The following DCDC2 variants were observed in gnomAD, a reference collection of about 807,000 sequenced individuals.
DCDC2 encodes doublecortin domain containing 2.
Under a neutral mutation model 50.2 loss-of-function variants are expected in DCDC2, and 40 were observed. The observed-to-expected ratio is 0.80, with a 90% CI of 0.62 to 1.04. The LOEUF (loss-of-function observed/expected upper bound fraction) is 1.04. DCDC2 is among the 50% of genes least tolerant of loss of function. The pLI is 0.00. For missense variants in DCDC2, 570 were observed against 581.9 expected (o/e 0.98, Z 0.21); for synonymous variants, 234 against 210.6 (o/e 1.11, Z -0.96).
chr6:24,251,507 C>T (rs777678925), intron 7 of DCDC2, among the ~76,000 whole-genome samples: 19 of 152,148 alleles, frequency 1.2e-4, no homozygotes, highest in Non-Finnish European at 7.4e-5. Context: ...GAGAACTCTG[C>T]GGGAGCCCTT....
At chr6:24,222,202 T>C (rs1343456397) in intron 7 of DCDC2, among the ~76,000 whole-genome samples, 2 of 152,132 alleles carry the variant, frequency 1.3e-5, no homozygotes, top group African/African-American at 4.8e-5. Context: ...AGCCATTAAT[T>C]TACAAAGGGA....
At position 24,301,922 on chromosome 6, in the gene DCDC2, A is replaced by T. The variant is rs1215434148; in HGVS notation, c.425+46T>A. 3.1e-6 allele frequency: 5 copies of T among 1,611,900 alleles called. No homozygotes were observed. In the African/African-American group the frequency reaches 6.7e-5, roughly 22 times the overall value. ...AACACAAATTCCAAACCAAAAGGAAACCACCAAGCCAATTTTAACTTGAAG... is the reference window on the plus strand; with the variant it reads ...AACACAAATTCCAAACCAAAAGGAATCCACCAAGCCAATTTTAACTTGAAG... On this transcript the variant is annotated intron_variant, in intron 3 of 9. Coordinates refer to ENST00000378454, the MANE Select transcript of DCDC2 (RefSeq NM_016356.5).
At chr6:24,295,694 C>T (rs1037776603) in intron 4 of DCDC2, among the ~76,000 whole-genome samples, 9 of 152,138 alleles carry the variant, frequency 5.9e-5, no homozygotes, top group Middle Eastern at 3.4e-3. Context: ...AAGCTGAGCA[C>T]CATATCAGGA....
chr6:24,366,706 C>T, the DCDC2 span, among the ~76,000 whole-genome samples: 219 of 152,268 alleles, frequency 1.4e-3, 2 homozygotes, highest in South Asian at 0.013. Context: ...TATATATGCT[C>T]ATATGTGGTT....
chr6:24,248,772 G>T (rs1762738428), intron 7 of DCDC2, among the ~76,000 whole-genome samples: 1 of 152,034 alleles, frequency 6.6e-6, no homozygotes, highest in Non-Finnish European at 1.5e-5. Flanking sequence ...AAATAAAAAT[G>T]ACTATAAACA....
At chr6:24,326,129 TAA>T (rs1759853733) in intron 2 of DCDC2, among the ~76,000 whole-genome samples, 2 of 84,766 alleles carry the variant, frequency 2.4e-5, no homozygotes, top group Non-Finnish European at 5.0e-5. Flanking sequence ...GGGAGAAAAA[TAA>T]AAAGAAGGAA....
the DCDC2 span, among the ~76,000 whole-genome samples, chr6:24,365,330 C>T: frequency 6.6e-6 from 1 of 152,362 alleles, no homozygotes; most frequent in Non-Finnish European, 1.5e-5. Flanking sequence ...ATTTGCTCGT[C>T]ACCCAGGTTG....
upstream of DCDC2, among the ~76,000 whole-genome samples, chr6:24,359,479 TTTATATATA>T (rs1760615955): frequency 7.0e-4 from 4 of 5,752 alleles, 1 homozygote; most frequent in East Asian, 0.077. Flanking sequence ...TAATATATAT[TTTATATATA>T]ATATATTATA....
At chr6:24,212,829 A>G (rs535836524) in intron 7 of DCDC2, among the ~76,000 whole-genome samples, 1 of 152,338 alleles carries the variant, frequency 6.6e-6, no homozygotes, top group Non-Finnish European at 1.5e-5. Context: ...ATTGCTTACA[A>G]AATGAAAGCA....
rs370077514 is a variant in DCDC2 at position 24,353,546 on chromosome 6, T to C, written c.348+23A>G. ...AAATGGCACCGTTATTTATTTGAAT[T>C]TTCAAAATAATATTTGCATTACCTC... On this transcript the variant is annotated intron_variant, in intron 2 of 9. Transcript: ENST00000378454. 77 of 1,474,476 alleles carry C rather than the reference T, an allele frequency of 5.2e-5. No individual in the cohort carries two copies. The African/African-American group carries it at 8.7e-4, about 17-fold the overall frequency. The allele number at this position is 1,474,476 out of a possible 1,614,324, so 91.3% of individuals were successfully genotyped here.
At chr6:24,258,950 A>G (rs1762952424) in intron 7 of DCDC2, among the ~76,000 whole-genome samples, 1 of 152,178 alleles carries the variant, frequency 6.6e-6, no homozygotes, top group African/African-American at 2.4e-5. Flanking sequence ...ACACATCTTC[A>G]TTGTGCACTA....
intron 2 of DCDC2, among the ~76,000 whole-genome samples, chr6:24,333,389 C>A (rs1476415297): frequency 6.6e-6 from 1 of 152,180 alleles, no homozygotes; most frequent in African/African-American, 2.4e-5. Context: ...TAGTATCTTT[C>A]AGACTTCTAT....
intron 2 of DCDC2, among the ~76,000 whole-genome samples, chr6:24,339,503 G>A: frequency 6.6e-6 from 1 of 152,116 alleles, no homozygotes; most frequent in East Asian, 1.9e-4. Context: ...ACCAAAACGT[G>A]AGAGCCATAA....
intron 2 of DCDC2, among the ~76,000 whole-genome samples, chr6:24,323,111 G>A (rs928789712): frequency 2.6e-5 from 4 of 152,344 alleles, no homozygotes; most frequent in East Asian, 1.9e-4. Context: ...TCGGGAGGCC[G>A]AGGCAGGAGG....
Position 24,250,630 on chromosome 6 carries a change from T to C in DCDC2, c.922+27419A>G, listed in dbSNP as rs555791558. Among the ~76,000 whole-genome samples the C allele has an allele frequency of 8.5e-5, 13 of 152,314 alleles. No individual in the cohort carries two copies. In the South Asian group the frequency reaches 1.0e-3, roughly 12 times the overall value. On this transcript the variant is annotated intron_variant, in intron 7 of 9. Coordinates refer to ENST00000378454, the MANE Select transcript of DCDC2 (RefSeq NM_016356.5). ...CATGCACAAATATATTTATAAAATA[T>C]GTGAACAATTCTAAAAGACAGACTG...
chr6:24,200,832 G>GAA (rs1008060262), intron 8 of DCDC2, among the ~76,000 whole-genome samples: 1 of 133,660 alleles, frequency 7.5e-6, no homozygotes, highest in African/African-American at 2.7e-5. Context: ...AAGAAAAAAA[G>GAA]AAAAAAAAAA....
chr6:24,268,036 G>A (rs1581621612), intron 7 of DCDC2, among the ~76,000 whole-genome samples: 1 of 152,202 alleles, frequency 6.6e-6, no homozygotes, highest in South Asian at 2.1e-4. Context: ...ATGCTCCTCA[G>A]TAATAGGGAT....
In DCDC2 at chr6:24,258,067, T is replaced by G. The variant is rs563513783; in HGVS notation, c.922+19982A>C. Among the ~76,000 whole-genome samples, 3 of 152,268 alleles carry G rather than the reference T, an allele frequency of 2.0e-5. No homozygotes were observed. In the East Asian group the frequency reaches 5.8e-4, roughly 29 times the overall value. ...ATGGACTGCTAACCTCCTGAAGTAG[T>G]GTGTTCAGAGTGGGTTCCTTCGGGT... is the stretch of plus-strand genomic sequence containing the variant. On this transcript the variant is annotated intron_variant, in intron 7 of 9. Transcript: ENST00000378454.
upstream of DCDC2, among the ~76,000 whole-genome samples, chr6:24,358,769 TTTTTATATATAATATATA>T (rs1431580908): frequency 1.8e-4 from 16 of 91,090 alleles, no homozygotes; most frequent in African/African-American, 6.4e-4. Flanking sequence ...ATATTATATA[TTTTTATATATAATATATA>T]AAATATATAT....
Sources: allele counts gnomAD v4.1 joint callset (sites outside exome capture counted in the v4.1 genomes callset), GRCh38; gene constraint gnomAD v4.1.1; transcripts MANE v1.5; gene names NCBI Gene and HGNC (gene_info 2026-07-23, HGNC 2026-07-21).